UMAD1: variants seen among roughly 807,000 people sequenced by gnomAD.
UMAD1 encodes UBAP1-MVB12-associated (UMA) domain containing 1.
In UMAD1, 8 loss-of-function variants were observed where a neutral mutation model predicts 6.1. The ratio of observed to expected loss-of-function variants is 1.30; its 90% CI spans 0.76 to 2.35. The LOEUF is 2.35. UMAD1 is among the 30% of genes most tolerant of loss of function. The pLI is 0.00. For missense variants in UMAD1, 130 were observed against 78.4 expected, an observed-to-expected ratio of 1.66 and a Z score of -2.49; for synonymous variants, 56 against 31.4, an observed-to-expected ratio of 1.78 and a Z score of -2.61.
chr7:7,854,297 G>A (rs1422280314), intron 3 of UMAD1, among the ~76,000 whole-genome samples: 1 of 143,338 alleles, frequency 7.0e-6, no homozygotes, highest in Admixed American at 7.3e-5. Context: ...AGAGGTTGTG[G>A]TGAGCCAAGA....
chr7:7,692,185 A>G (rs1563127293), intron 2 of UMAD1, among the ~76,000 whole-genome samples: 1 of 152,122 alleles, frequency 6.6e-6, no homozygotes. Context: ...GAAAGCAGCT[A>G]GTCAGCAGGT....
At chr7:7,814,743 G>A (rs1358291074) in intron 3 of UMAD1, among the ~76,000 whole-genome samples, 1 of 151,984 alleles carries the variant, frequency 6.6e-6, no homozygotes, top group African/African-American at 2.4e-5. Flanking sequence ...ATCATACATA[G>A]GGGTTTGACT....
chr7:7,643,010 C>G (rs1361905322), intron 1 of UMAD1, among the ~76,000 whole-genome samples: 1 of 152,082 alleles, frequency 6.6e-6, no homozygotes, highest in Non-Finnish European at 1.5e-5. Context: ...GTACGTAGAT[C>G]ATATTTTTTT....
At chr7:7,802,538 A>T (rs1277784380) in intron 3 of UMAD1, among the ~76,000 whole-genome samples, 1 of 152,246 alleles carries the variant, frequency 6.6e-6, no homozygotes, top group Non-Finnish European at 1.5e-5. Context: ...TGTAGTTAGG[A>T]TACTTTTGAA....
At chr7:7,660,714 C>T (rs1373930454) in intron 1 of UMAD1, among the ~76,000 whole-genome samples, 2 of 152,204 alleles carry the variant, frequency 1.3e-5, no homozygotes, top group African/African-American at 2.4e-5. Context: ...CCCAGCCTTT[C>T]TCTCTGGCTG....
intron 2 of UMAD1, chr7:7,736,224 A>C (rs1441574131): frequency 6.6e-6 from 1 of 152,202 alleles, no homozygotes; most frequent in Non-Finnish European, 1.5e-5. Flanking sequence ...TGACTTGAAA[A>C]ACTTAGTTTT....
At chr7:7,672,211 T>A (rs1779623763) in intron 1 of UMAD1, among the ~76,000 whole-genome samples, 1 of 152,198 alleles carries the variant, frequency 6.6e-6, no homozygotes, top group African/African-American at 2.4e-5. Flanking sequence ...TCTCTTTTAT[T>A]TTTTTGGCTT....
chr7:7,757,844 T>C (rs554213021), intron 2 of UMAD1, among the ~76,000 whole-genome samples: 29 of 152,266 alleles, frequency 1.9e-4, no homozygotes, highest in Non-Finnish European at 2.9e-4. Flanking sequence ...AAGTCTTAGT[T>C]ATGCTGTTGG....
rs779922745 is a variant in UMAD1 at position 7,647,957 on chromosome 7, T to C, written c.-64+7136T>C. 2.6e-5 allele frequency among the ~76,000 whole-genome samples: 4 copies of C among 152,308 alleles called. No homozygotes were observed. In the South Asian group the frequency reaches 8.3e-4, roughly 32 times the overall value. ...TTGCTACTATTATAGACGTGCCAGC[T>C]GTGTTTTGGTTAGAATTTATTTGTC... On this transcript the variant is annotated intron_variant, in intron 1 of 3. Transcript: ENST00000682710.
intron 1 of UMAD1, among the ~76,000 whole-genome samples, chr7:7,653,783 C>G (rs1785280608): frequency 1.3e-5 from 2 of 152,174 alleles, no homozygotes; most frequent in South Asian, 4.1e-4. Context: ...GCGGTTTTGT[C>G]CCCTAGGAGA....
intron 2 of UMAD1, among the ~76,000 whole-genome samples, chr7:7,794,965 G>A (rs1481368568): frequency 6.6e-6 from 1 of 152,146 alleles, no homozygotes; most frequent in African/African-American, 2.4e-5. Context: ...CTTAACTCAA[G>A]CATTTACTTC....
At chr7:7,754,651 C>A (rs1435819983) in intron 2 of UMAD1, among the ~76,000 whole-genome samples, 2 of 152,158 alleles carry the variant, frequency 1.3e-5, no homozygotes, top group Non-Finnish European at 2.9e-5. Context: ...TTTAAATTTT[C>A]ATTTCACCAA....
chr7:7,763,869 G>A (rs993574286), intron 2 of UMAD1, among the ~76,000 whole-genome samples: 1 of 152,158 alleles, frequency 6.6e-6, no homozygotes, highest in African/African-American at 2.4e-5. Context: ...ACATTATCTG[G>A]TTTTCCTTTG....
intron 2 of UMAD1, among the ~76,000 whole-genome samples, chr7:7,789,522 A>G (rs977376689): frequency 2.0e-5 from 3 of 152,014 alleles, no homozygotes; most frequent in South Asian, 2.1e-4. Context: ...ATTTTTGAGT[A>G]TATAGTTTAT....
At chr7:7,716,915 A>G (rs1398236048) in intron 2 of UMAD1, among the ~76,000 whole-genome samples, 1 of 152,138 alleles carries the variant, frequency 6.6e-6, no homozygotes, top group South Asian at 2.1e-4. Context: ...GGTCTGATCA[A>G]TCTCTCGTGC....
intron 2 of UMAD1, among the ~76,000 whole-genome samples, chr7:7,765,003 C>CT (rs199681920): frequency 0.096 from 13,750 of 143,796 alleles, 1,442 homozygotes; most frequent in African/African-American, 0.26. Flanking sequence ...TAATATCATT[C>CT]TTTTTTTTTT....
chr7:7,783,413 T>A (rs976923759), intron 2 of UMAD1, among the ~76,000 whole-genome samples: 6 of 151,888 alleles, frequency 4.0e-5, no homozygotes, highest in African/African-American at 1.2e-4. Flanking sequence ...TTTTTTTTTC[T>A]AAAAGAGAAA....
At chr7:7,741,130 C>T (rs1471247057) in intron 2 of UMAD1, 1 of 152,154 alleles carries the variant, frequency 6.6e-6, no homozygotes, top group African/African-American at 2.4e-5. Flanking sequence ...TGTGCAGTTA[C>T]ATAAACTTCT....
chr7:7,754,905 T>C (rs17137293), intron 2 of UMAD1, among the ~76,000 whole-genome samples: 6,437 of 152,306 alleles, frequency 0.042, 458 homozygotes, highest in African/African-American at 0.15. Flanking sequence ...ATTGCACATC[T>C]TTTCGCAGCA....
Sources: gnomAD v4.1 joint callset for allele counts (sites outside exome capture counted in the v4.1 genomes callset) on GRCh38, gnomAD v4.1.1 for gene constraint, MANE v1.5 for transcripts, NCBI Gene and HGNC (gene_info 2026-07-23, HGNC 2026-07-21) for gene names.